Variants in ATP2B2 observed in about 807,000 individuals in gnomAD.
ATP2B2 encodes the protein ATPase plasma membrane Ca2+ transporting 2.
In ATP2B2, 15 loss-of-function variants were observed where a neutral mutation model predicts 120.0. That is an observed-to-expected ratio of 0.12 (90% CI 0.08 to 0.19). ATP2B2 has a LOEUF of 0.19. Ranked by LOEUF, ATP2B2 falls within the 10% of genes least tolerant of loss-of-function variation. The probability of loss-of-function intolerance (pLI) is 1.00; values close to 1 mark genes in which losing one functional copy is unlikely to be tolerated. For missense variants in ATP2B2, 1,045 were observed against 1,719.8 expected, an observed-to-expected ratio of 0.61 and a Z score of 6.94; for synonymous variants, 694 against 700.3, an observed-to-expected ratio of 0.99 and a Z score of 0.14.
At chr3:10,576,010 T>C (rs1414948765) in intron 2 of ATP2B2, among the ~76,000 whole-genome samples, 1 of 152,208 alleles carries the variant, frequency 6.6e-6, no homozygotes, top group African/African-American at 2.4e-5. Flanking sequence ...ATGGCCTCAC[T>C]CCCCTGCACA....
intron 1 of ATP2B2, among the ~76,000 whole-genome samples, chr3:10,484,402 C>G (rs951636500): frequency 6.6e-6 from 1 of 152,150 alleles, no homozygotes; most frequent in Non-Finnish European, 1.5e-5. Context: ...GAGGGGTCTG[C>G]ATGCAGGTGA....
intron 1 of ATP2B2, among the ~76,000 whole-genome samples, chr3:10,650,943 T>A (rs1282276226): frequency 1.3e-5 from 2 of 152,236 alleles, no homozygotes; most frequent in Non-Finnish European, 2.9e-5. Context: ...ATTTTTAAGC[T>A]TTAAGGCTTG....
intron 3 of ATP2B2, among the ~76,000 whole-genome samples, chr3:10,517,936 A>G (rs1265336285): frequency 1.3e-5 from 2 of 152,046 alleles, no homozygotes; most frequent in African/African-American, 4.8e-5. Context: ...ATGGCAGTAG[A>G]CAGACGGGGG....
chr3:10,365,083 C>T (rs531159046), intron 12 of ATP2B2, among the ~76,000 whole-genome samples: 7 of 152,304 alleles, frequency 4.6e-5, no homozygotes, highest in African/African-American at 9.6e-5. Flanking sequence ...CAACTGAGGC[C>T]GGGAGAGGCA....
At chr3:10,337,262 A>G (rs1157191278) in intron 22 of ATP2B2, among the ~76,000 whole-genome samples, 5 of 152,100 alleles carry the variant, frequency 3.3e-5, no homozygotes, top group African/African-American at 1.2e-4. Context: ...GCTACATCGG[A>G]TGGAAATGAG....
intron 1 of ATP2B2, among the ~76,000 whole-genome samples, chr3:10,465,212 A>C (rs2064684736): frequency 6.6e-6 from 1 of 152,226 alleles, no homozygotes; most frequent in South Asian, 2.1e-4. Context: ...TTAAGAGTTC[A>C]AGTGCCAAAG....
intron 1 of ATP2B2, among the ~76,000 whole-genome samples, chr3:10,640,027 CTT>C (rs1479739944): frequency 6.6e-6 from 1 of 152,066 alleles, no homozygotes; most frequent in Non-Finnish European, 1.5e-5. Context: ...AAAGTCTAGA[CTT>C]TTCCCAGGAG....
At chr3:10,695,189 G>A (rs1185624052) in intron 1 of ATP2B2, among the ~76,000 whole-genome samples, 7 of 149,506 alleles carry the variant, frequency 4.7e-5, no homozygotes, top group African/African-American at 1.2e-4. Flanking sequence ...CAATCATGGT[G>A]GAAAGCAAGG....
At chr3:10,570,776 C>T (rs2068106182) in intron 2 of ATP2B2, among the ~76,000 whole-genome samples, 1 of 152,164 alleles carries the variant, frequency 6.6e-6, no homozygotes, top group African/African-American at 2.4e-5. Flanking sequence ...GCTCCCTGCC[C>T]CCTGCAATGA....
chr3:10,572,770 T>C (rs919273520), intron 2 of ATP2B2, among the ~76,000 whole-genome samples: 3 of 152,080 alleles, frequency 2.0e-5, no homozygotes, highest in Admixed American at 6.5e-5. Flanking sequence ...CATGAGAAAA[T>C]GTCAGAACTG....
At chr3:10,654,789 A>AC (rs900653573) in intron 1 of ATP2B2, among the ~76,000 whole-genome samples, 2 of 151,852 alleles carry the variant, frequency 1.3e-5, no homozygotes, top group African/African-American at 4.8e-5. Context: ...TAAAAAAAAA[A>AC]AAAAACGCAG....
chr3:10,656,445 A>T (rs2070630248), intron 1 of ATP2B2, among the ~76,000 whole-genome samples: 1 of 152,090 alleles, frequency 6.6e-6, no homozygotes, highest in South Asian at 2.1e-4. Context: ...TATGACCTCC[A>T]CTGGGAGCTC....
rs1010374776 is a variant in ATP2B2, at chr3:10,610,068, T to C, written c.-415+9849A>G. 4.4e-4 allele frequency among the ~76,000 whole-genome samples: 36 copies of C among 81,782 alleles called. 1 individual carries two copies. Among genetic ancestry groups the C allele is most frequent in the Non-Finnish European group, 5.3e-4 (22 of 41,258 alleles). 53.7% of individuals were successfully genotyped at this position (81,782 alleles called of 152,430 possible). The stretch of plus-strand genomic sequence containing the variant: ...TGTGCTTCTCATACACATATACATA[T>C]ACACACATACACACACACACACACA... On this transcript the variant is annotated intron_variant, in intron 2 of 21. Coordinates refer to the ATP2B2 transcript ENST00000646379.
intron 1 of ATP2B2, among the ~76,000 whole-genome samples, chr3:10,498,252 G>A (rs924180025): frequency 1.3e-5 from 2 of 152,210 alleles, no homozygotes; most frequent in Admixed American, 6.5e-5. Context: ...GCTGGTCAGC[G>A]GCCAGGCATT....
At chr3:10,355,807 CTCACGCCTGT>C (rs2060702666) in intron 14 of ATP2B2, among the ~76,000 whole-genome samples, 2 of 25,334 alleles carry the variant, frequency 7.9e-5, no homozygotes, top group Non-Finnish European at 1.5e-4. Flanking sequence ...GGCGCGGTGG[CTCACGCCTGT>C]AATCCCAGCA....
chr3:10,336,513 A>G (rs1329830228), intron 22 of ATP2B2, among the ~76,000 whole-genome samples: 1 of 152,208 alleles, frequency 6.6e-6, no homozygotes. Context: ...CCGGGAGGAC[A>G]CAGGGGGTCC....
chr3:10,439,402 AC>A (rs2063580642), intron 2 of ATP2B2, among the ~76,000 whole-genome samples: 1 of 152,136 alleles, frequency 6.6e-6, no homozygotes, highest in Admixed American at 6.5e-5. Flanking sequence ...GCATGGGTGG[AC>A]TGAGCACCCT....
chr3:10,543,962 C>T (rs958738806), intron 2 of ATP2B2, among the ~76,000 whole-genome samples: 4 of 152,186 alleles, frequency 2.6e-5, no homozygotes, highest in Admixed American at 2.6e-4. Context: ...TGGTCTCCAA[C>T]TTCTGACCTC....
rs113886682 is a variant in ATP2B2, at chr3:10,392,967, G to C, written c.782-4565C>G. ...GGTGTGGAGAGGCCGGCAGAGGCCC[G>C]TGTGGACAGAATGACCAGATGGCGC... On this transcript the variant is annotated intron_variant, in intron 5 of 22. Coordinates refer to ENST00000360273, the MANE Select transcript of ATP2B2 (RefSeq NM_001001331.4). Among the ~76,000 whole-genome samples the C allele has an allele frequency of 9.8e-4, 150 of 152,358 alleles. 1 individual carries two copies. The Middle Eastern group carries it at 0.01, about 10-fold the overall frequency.
Sources: gnomAD v4.1 joint callset for allele counts (sites outside exome capture counted in the v4.1 genomes callset) on GRCh38, gnomAD v4.1.1 for gene constraint, MANE v1.5 for transcripts, NCBI Gene and HGNC (gene_info 2026-07-23, HGNC 2026-07-21) for gene names.